The following PDE10A variants were observed in gnomAD, a reference collection of about 807,000 sequenced individuals.
PDE10A encodes phosphodiesterase 10A, also known as cAMP and cAMP-inhibited cGMP 3',5'-cyclic phosphodiesterase 10A.
In PDE10A, 39 loss-of-function variants were observed where a neutral mutation model predicts 97.7. That is an observed-to-expected ratio of 0.40 (90% CI 0.31 to 0.52). PDE10A has a LOEUF of 0.52. PDE10A is among the 20% of genes least tolerant of loss of function. PDE10A has a pLI of 0.56. For missense variants in PDE10A, 731 were observed against 1,047.8 expected (o/e 0.70, Z 4.17); for synonymous variants, 371 against 376.8 (o/e 0.98, Z 0.18).
rs371838513 is a variant in PDE10A, at chr6:165,387,160, T to C, written c.2610+1138A>G. ...TTGCTTTCACGACCAAACTGAACCA[T>C]GAGCAAGCTCAACATCAGCTACCTA... is the stretch of plus-strand genomic sequence containing the variant. On this transcript the variant is annotated intron_variant, in intron 17 of 21. Coordinates refer to ENST00000539869, the MANE Select transcript of PDE10A (RefSeq NM_001385079.1). Among the ~76,000 whole-genome samples, 5 of 152,336 alleles carry C rather than the reference T, an allele frequency of 3.3e-5. No homozygotes were observed. The East Asian group carries it at 7.7e-4, about 24-fold the overall frequency.
chr6:165,739,794 A>G (rs9365917), intron 1 of PDE10A, among the ~76,000 whole-genome samples: 26,356 of 152,054 alleles, frequency 0.17, 2,622 homozygotes, highest in East Asian at 0.36. Flanking sequence ...TAACCTGCTT[A>G]AAAATAGGCA....
intron 1 of PDE10A, among the ~76,000 whole-genome samples, chr6:165,926,790 C>T (rs1782947667): frequency 6.6e-6 from 1 of 152,180 alleles, no homozygotes; most frequent in Non-Finnish European, 1.5e-5. Flanking sequence ...CTCAGAGCTA[C>T]TGAAGGTAAT....
chr6:165,411,425 T>C (rs965948306), intron 13 of PDE10A, among the ~76,000 whole-genome samples: 1 of 152,096 alleles, frequency 6.6e-6, no homozygotes, highest in Non-Finnish European at 1.5e-5. Context: ...GACACAGGCA[T>C]GTACACAGAG....
At chr6:165,513,716 T>C (rs568134701) in intron 2 of PDE10A, among the ~76,000 whole-genome samples, 1 of 152,290 alleles carries the variant, frequency 6.6e-6, no homozygotes, top group Admixed American at 6.5e-5. Context: ...GTTTCATAGT[T>C]TTCAGTTTAC....
chr6:165,982,087 A>G (rs1339074757), intron 1 of PDE10A, among the ~76,000 whole-genome samples: 1 of 152,208 alleles, frequency 6.6e-6, no homozygotes, highest in East Asian at 1.9e-4. Flanking sequence ...TCTTGGTGTT[A>G]TTGTAATGTC....
chr6:165,401,724 C>T (rs1749751387), intron 13 of PDE10A, among the ~76,000 whole-genome samples: 1 of 152,166 alleles, frequency 6.6e-6, no homozygotes, highest in African/African-American at 2.4e-5. Context: ...GCAAGGCCCA[C>T]TCTGTGAGAG....
At chr6:165,865,145 C>T (rs909724153) in intron 1 of PDE10A, among the ~76,000 whole-genome samples, 13 of 152,182 alleles carry the variant, frequency 8.5e-5, no homozygotes, top group Non-Finnish European at 1.9e-4. Context: ...TCTCCACTAA[C>T]AACCACAGCC....
At chr6:165,822,863 G>A (rs1206940280) in intron 1 of PDE10A, among the ~76,000 whole-genome samples, 5 of 151,770 alleles carry the variant, frequency 3.3e-5, no homozygotes, top group Non-Finnish European at 2.9e-5. Context: ...TTGAGACGGA[G>A]TCTTGCTGTT....
intron 1 of PDE10A, among the ~76,000 whole-genome samples, chr6:165,816,195 C>T (rs1325421285): frequency 1.3e-5 from 2 of 152,172 alleles, no homozygotes; most frequent in African/African-American, 4.8e-5. Flanking sequence ...GTGATCTGCC[C>T]GCCTTGGCCT....
At chr6:165,846,739 C>G (rs1583183175) in intron 1 of PDE10A, among the ~76,000 whole-genome samples, 1 of 152,256 alleles carries the variant, frequency 6.6e-6, no homozygotes, top group Non-Finnish European at 1.5e-5. Flanking sequence ...CAAATAAAAG[C>G]AAAACTGGAT....
At chr6:165,469,180 C>T (rs1246462027) in intron 3 of PDE10A, among the ~76,000 whole-genome samples, 1 of 152,114 alleles carries the variant, frequency 6.6e-6, no homozygotes, top group African/African-American at 2.4e-5. Context: ...GAATCGGGAA[C>T]AGACTTTAAA....
intron 1 of PDE10A, among the ~76,000 whole-genome samples, chr6:165,847,646 G>T (rs61063405): frequency 0.022 from 3,355 of 152,322 alleles, 131 homozygotes; most frequent in African/African-American, 0.078. Context: ...TGCCTCTGAC[G>T]TCATTTCTGA....
chr6:165,781,893 G>A (rs1009503060), intron 1 of PDE10A: 3 of 152,194 alleles, frequency 2.0e-5, no homozygotes, highest in African/African-American at 7.2e-5. Context: ...TTAGCCCAGT[G>A]AGACTTGTGT....
intron 8 of PDE10A, 110 bp from the exon 9 acceptor site, chr6:165,430,455 C>A: frequency 1.6e-6 from 1 of 635,460 alleles, no homozygotes; most frequent in Non-Finnish European, 2.8e-6. Context: ...AACACAATCA[C>A]TTGGGTTATA....
At chr6:165,370,410 A>AAAAAAG (rs1443539116) in intron 18 of PDE10A, among the ~76,000 whole-genome samples, 949 of 149,774 alleles carry the variant, frequency 6.3e-3, no homozygotes, top group African/African-American at 0.023. Flanking sequence ...GAAAACAAAA[A>AAAAAAG]AAGGCAGGGG....
chr6:165,667,326 A>G (rs1434196362), upstream of PDE10A, among the ~76,000 whole-genome samples: 1 of 152,130 alleles, frequency 6.6e-6, no homozygotes, highest in Non-Finnish European at 1.5e-5. Context: ...CCTGAACCCA[A>G]TTTGTAGTCT....
chr6:165,701,159 C>T (rs1791560499), intron 1 of PDE10A, among the ~76,000 whole-genome samples: 2 of 152,202 alleles, frequency 1.3e-5, no homozygotes, highest in Non-Finnish European at 1.5e-5. Flanking sequence ...AGTTATTTTG[C>T]TAAAACAAGA....
intron 2 of PDE10A, among the ~76,000 whole-genome samples, chr6:165,486,763 C>G (rs1337135257): frequency 6.6e-6 from 1 of 152,182 alleles, no homozygotes; most frequent in African/African-American, 2.4e-5. Context: ...ATAGAATGGG[C>G]TGCAAAACTT....
intron 1 of PDE10A, among the ~76,000 whole-genome samples, chr6:165,574,759 T>C (rs975204531): frequency 6.6e-6 from 1 of 152,192 alleles, no homozygotes; most frequent in African/African-American, 2.4e-5. Flanking sequence ...CTCAAACTAA[T>C]ACACCTCATA....
Sources: allele counts gnomAD v4.1 joint callset (sites outside exome capture counted in the v4.1 genomes callset), GRCh38; gene constraint gnomAD v4.1.1; transcripts MANE v1.5; gene names NCBI Gene and HGNC (gene_info 2026-07-23, HGNC 2026-07-21).